The following MOBP variants were observed in gnomAD, a reference collection of about 807,000 sequenced individuals.
The protein encoded by MOBP is myelin associated oligodendrocyte basic protein, also known as myelin-associated oligodendrocyte basic protein.
A neutral mutation model predicts 15.0 loss-of-function variants in MOBP; 5 were observed. The ratio of observed to expected loss-of-function variants is 0.33; its 90% confidence interval spans 0.17 to 0.70. The LOEUF (loss-of-function observed/expected upper bound fraction) is 0.70. Among genes scored for constraint, MOBP ranks in the 30% least tolerant of loss-of-function variants. The probability of loss-of-function intolerance (pLI) is 0.67; values close to 1 mark genes in which losing one functional copy is unlikely to be tolerated. For synonymous variants in MOBP, 88 were observed against 99.0 expected (o/e 0.89, Z 0.66); for missense variants, 188 against 257.8 (o/e 0.73, Z 1.85).
chr3:39,474,115 T>C (rs1559413981), intron 1 of MOBP, among the ~76,000 whole-genome samples: 1 of 152,246 alleles, frequency 6.6e-6, no homozygotes, highest in African/African-American at 2.4e-5. Context: ...TTCACTTGGC[T>C]GGTTTTCTGA....
At position 39,502,733 on chromosome 3, in the gene MOBP, T is replaced by G. The variant is rs1284966422; in HGVS notation, c.405T>G (p.Arg135=). The stretch of plus-strand genomic sequence containing the variant: ...CACGGTCCCCTCCGAGGTCTGAGCG[T>G]CAGCCACGTCCCCGCCCAGAGGTCC... ...RQPRSPPRSE[R]QPRPRPEVRP... Residue 135 remains arginine, a synonymous_variant, in exon 4 of 4, where the codon CGT becomes CGG. Transcript: ENST00000684792. This position sits in a 1 kb window ranked among gnomAD's most constrained non-coding sequence, Gnocchi z 6.3. 1 of 1,534,500 alleles carries G rather than the reference T, an allele frequency of 6.5e-7. No individual in the cohort carries two copies. Among genetic ancestry groups the G allele is most frequent in the Non-Finnish European group, 8.7e-7 (1 of 1,146,462 alleles).
downstream of MOBP, among the ~76,000 whole-genome samples, chr3:39,507,995 C>A (rs1463996894): frequency 3.9e-5 from 6 of 152,276 alleles, no homozygotes; most frequent in East Asian, 9.6e-4. Flanking sequence ...CTGGGAAAAC[C>A]CCAGCCTTTG....
downstream of MOBP, among the ~76,000 whole-genome samples, chr3:39,520,650 C>G (rs1295387269): frequency 2.6e-5 from 4 of 151,618 alleles, no homozygotes. Flanking sequence ...TCCCTTTTTA[C>G]TTTTTGTAGC....
chr3:39,522,308 G>A (rs1160425734), intron 3 of MOBP, among the ~76,000 whole-genome samples: 1 of 152,166 alleles, frequency 6.6e-6, no homozygotes, highest in Non-Finnish European at 1.5e-5. Context: ...TTATTCACAT[G>A]TTCATAGCAC....
chr3:39,517,917 G>A (rs1210174383), downstream of MOBP: 1 of 152,154 alleles, frequency 6.6e-6, no homozygotes, highest in East Asian at 1.9e-4. Flanking sequence ...AAGGTACATT[G>A]ACATATAAAC....
chr3:39,528,314 C>T (rs1158385984), downstream of MOBP: 3 of 152,138 alleles, frequency 2.0e-5, no homozygotes, highest in Admixed American at 6.5e-5. Flanking sequence ...GACCTAGTGC[C>T]TGTGGCTTCT....
intron 1 of MOBP, among the ~76,000 whole-genome samples, chr3:39,470,575 T>G (rs766492755): frequency 6.6e-5 from 10 of 152,164 alleles, no homozygotes; most frequent in Non-Finnish European, 1.3e-4. Context: ...ACACTTTACT[T>G]TAAAGTTACA....
intron 2 of MOBP, among the ~76,000 whole-genome samples, chr3:39,482,390 G>A (rs994025626): frequency 2.0e-4 from 30 of 152,114 alleles, no homozygotes; most frequent in African/African-American, 7.2e-4. Flanking sequence ...GGTGGCTCAT[G>A]CCTGTAATCC....
chr3:39,505,847 T>C (rs2043041741), downstream of MOBP, among the ~76,000 whole-genome samples: 1 of 152,198 alleles, frequency 6.6e-6, no homozygotes, highest in Non-Finnish European at 1.5e-5. Context: ...CTGAGGATGG[T>C]CATGTGTGCA....
At chr3:39,484,325 C>A (rs935367207) in intron 2 of MOBP, among the ~76,000 whole-genome samples, 2 of 152,044 alleles carry the variant, frequency 1.3e-5, no homozygotes, top group African/African-American at 4.8e-5. Flanking sequence ...AGAGACCAAA[C>A]CCTGAGGGGT....
chr3:39,469,607 A>G (rs1197863772), intron 1 of MOBP, among the ~76,000 whole-genome samples: 4 of 152,096 alleles, frequency 2.6e-5, no homozygotes, highest in South Asian at 2.1e-4. Flanking sequence ...TGACCTAGAC[A>G]GTTTTGGAGA....
At chr3:39,491,282 CT>C (rs979653884) in intron 2 of MOBP, among the ~76,000 whole-genome samples, 1 of 152,188 alleles carries the variant, frequency 6.6e-6, no homozygotes, top group Non-Finnish European at 1.5e-5. Flanking sequence ...GACAATTAAT[CT>C]CACCGGTCAC....
chr3:39,508,518 A>G (rs2043076831), intron 4 of MOBP, among the ~76,000 whole-genome samples: 1 of 149,650 alleles, frequency 6.7e-6, no homozygotes, highest in Admixed American at 6.6e-5. Context: ...GGCTTCTTTT[A>G]CTTAACATAG....
downstream of MOBP, among the ~76,000 whole-genome samples, chr3:39,503,424 T>A (rs1269832722): frequency 1.3e-5 from 2 of 152,188 alleles, no homozygotes; most frequent in African/African-American, 4.8e-5. Flanking sequence ...CCGTGTTGTT[T>A]GAGATTTACC....
At chr3:39,518,051 G>T (rs755375206), downstream of MOBP, among the ~76,000 whole-genome samples, 23 of 152,156 alleles carry the variant, frequency 1.5e-4, no homozygotes, top group South Asian at 4.1e-4. Flanking sequence ...GGCTCAAAAA[G>T]ATCTCTTAAT....
Position 39,502,376 on chromosome 3 carries a change from G to C in MOBP, c.206+101G>C. The C allele has an allele frequency of 1.3e-6, 2 of 1,561,228 alleles. No individual in the cohort carries two copies. The highest frequency in any genetic ancestry group is 1.7e-6 in the Non-Finnish European group (2 of 1,155,720). ...CCGCACCCCACTCTTCCCCCTAGTC[G>C]GCTCCGGGTTAGGCTCCGACACCGG... On this transcript the variant is annotated intron_variant, in intron 3 of 3. Coordinates refer to ENST00000684792, the MANE Select transcript of MOBP (RefSeq NM_001393704.1). The surrounding 1 kb of genome is among the most constrained non-coding windows in gnomAD (Gnocchi z 6.3).
Position 39,502,421 on chromosome 3 carries a change from G to A in MOBP, c.207-114G>A. On this transcript the variant is annotated intron_variant, in intron 3 of 3. Transcript: ENST00000684792. This position sits in a 1 kb window ranked among gnomAD's most constrained non-coding sequence, Gnocchi z 6.3. ...CACCGGAAGGCACTCCAGGGAGACT[G>A]GAAGGTGGGTGGGGGAGCAGGGCCT... 1 of 1,523,916 alleles carries A rather than the reference G, an allele frequency of 6.6e-7. No individual in the cohort carries two copies. 94.4% of individuals were successfully genotyped at this position (1,523,916 alleles called of 1,614,324 possible). A position where few individuals can be genotyped will look rare whatever the true frequency, so the allele number is the denominator to read the frequency against.
intron 2 of MOBP, among the ~76,000 whole-genome samples, chr3:39,499,301 C>A (rs2042935455): frequency 6.6e-6 from 1 of 152,056 alleles, no homozygotes; most frequent in African/African-American, 2.4e-5. Flanking sequence ...TGAATCTGAC[C>A]CTATAAGTCA....
At chr3:39,526,600 A>T (rs556209704), downstream of MOBP, 6 of 152,114 alleles carry the variant, frequency 3.9e-5, no homozygotes, top group East Asian at 1.9e-4. Context: ...ATAATTCTGG[A>T]TGTTAACTGA....
Sources: gnomAD v4.1 joint callset for allele counts (sites outside exome capture counted in the v4.1 genomes callset) on GRCh38, gnomAD v4.1.1 for gene constraint, Gnocchi (gnomAD v3.1) non-coding constraint, MANE v1.5 for transcripts, NCBI Gene and HGNC (gene_info 2026-07-23, HGNC 2026-07-21) for gene names.